The following KCNB2 variants were observed in gnomAD, a reference collection of about 807,000 sequenced individuals.
KCNB2 encodes delayed rectifier potassium channel protein.
A neutral mutation model predicts 61.5 loss-of-function variants in KCNB2; 15 were observed. The ratio of observed to expected loss-of-function variants is 0.24; its 90% CI spans 0.16 to 0.38. KCNB2 has a LOEUF of 0.38. KCNB2 is among the 10% of genes least tolerant of loss of function. The probability of loss-of-function intolerance (pLI) is 1.00; values close to 1 mark genes in which losing one functional copy is unlikely to be tolerated. For synonymous variants in KCNB2, 457 were observed against 446.0 expected, an observed-to-expected ratio of 1.02 and a Z score of -0.31; for missense variants, 828 against 1,125.2, an observed-to-expected ratio of 0.74 and a Z score of 3.78.
chr8:72,552,297 A>G (rs1268585362), intron 1 of KCNB2, among the ~76,000 whole-genome samples: 1 of 152,224 alleles, frequency 6.6e-6, no homozygotes, highest in Non-Finnish European at 1.5e-5. Flanking sequence ...ATAACTTCAC[A>G]GGAAAGTTGT....
At chr8:72,848,175 A>G (rs542576125) in intron 2 of KCNB2, among the ~76,000 whole-genome samples, 8 of 152,144 alleles carry the variant, frequency 5.3e-5, no homozygotes, top group Non-Finnish European at 1.2e-4. Flanking sequence ...ACTGCTTTCT[A>G]TTTTCACTCT....
chr8:72,680,984 T>C (rs1585826197), intron 2 of KCNB2, among the ~76,000 whole-genome samples: 1 of 152,166 alleles, frequency 6.6e-6, no homozygotes, highest in African/African-American at 2.4e-5. Context: ...TCTACCCTCC[T>C]GTGATAGCCT....
chr8:72,668,481 A>G (rs892990495), intron 2 of KCNB2, among the ~76,000 whole-genome samples: 2 of 152,088 alleles, frequency 1.3e-5, no homozygotes, highest in Admixed American at 1.3e-4. Flanking sequence ...TGTCCTTTGG[A>G]ATATACAGAG....
At chr8:72,612,356 T>C (rs1805555286) in intron 2 of KCNB2, among the ~76,000 whole-genome samples, 1 of 152,198 alleles carries the variant, frequency 6.6e-6, no homozygotes, top group Non-Finnish European at 1.5e-5. Context: ...CTTTAGTAAA[T>C]GTAAACATAA....
intron 2 of KCNB2, among the ~76,000 whole-genome samples, chr8:72,711,260 A>T (rs1352803112): frequency 6.6e-6 from 1 of 152,214 alleles, no homozygotes; most frequent in Admixed American, 6.5e-5. Context: ...CAACACAACC[A>T]TGGGCAGGCC....
At chr8:72,604,326 A>T (rs1213147626) in intron 2 of KCNB2, among the ~76,000 whole-genome samples, 1 of 152,174 alleles carries the variant, frequency 6.6e-6, no homozygotes, top group Non-Finnish European at 1.5e-5. Context: ...TAAGGTAGAG[A>T]TCATGTCCTA....
intron 2 of KCNB2, among the ~76,000 whole-genome samples, chr8:72,725,523 A>ATGTGTGTG: frequency 2.0e-5 from 1 of 50,684 alleles, no homozygotes; most frequent in African/African-American, 1.2e-4. Context: ...ATATATATAT[A>ATGTGTGTG]TATATATATA....
rs569202810 is a variant in KCNB2, at chr8:72,581,614, A to G, written c.579+13301A>G. On this transcript the variant is annotated intron_variant, in intron 2 of 2. Transcript: ENST00000523207. Reference sequence around the variant, plus strand: ...TGATTCTAGCGATTAGACCTGAGTAATGCTGGGTTTGTTTTCAACAGTTTA... The same window carrying G: ...TGATTCTAGCGATTAGACCTGAGTAGTGCTGGGTTTGTTTTCAACAGTTTA... 2.0e-5 allele frequency among the ~76,000 whole-genome samples: 3 copies of G among 152,330 alleles called. No homozygotes were observed. The East Asian group carries it at 5.8e-4, about 29-fold the overall frequency.
intron 2 of KCNB2, among the ~76,000 whole-genome samples, chr8:72,830,741 C>A (rs1194395869): frequency 3.9e-5 from 6 of 152,324 alleles, no homozygotes; most frequent in African/African-American, 1.4e-4. Context: ...AACTAGTAAT[C>A]AACACCTGGT....
At chr8:72,667,775 T>A (rs968069975) in intron 2 of KCNB2, among the ~76,000 whole-genome samples, 2 of 152,194 alleles carry the variant, frequency 1.3e-5, no homozygotes, top group Non-Finnish European at 2.9e-5. Flanking sequence ...GAAATTATGG[T>A]GATCTTTGGA....
intron 2 of KCNB2, among the ~76,000 whole-genome samples, chr8:72,586,634 C>G (rs937330434): frequency 2.0e-5 from 3 of 152,118 alleles, no homozygotes; most frequent in South Asian, 4.1e-4. Context: ...ACAATAATCC[C>G]CTGAGTTGGG....
At chr8:72,835,991 C>A (rs902939059) in intron 2 of KCNB2, among the ~76,000 whole-genome samples, 1 of 152,168 alleles carries the variant, frequency 6.6e-6, no homozygotes, top group Non-Finnish European at 1.5e-5. Context: ...TTTAACATTT[C>A]GTCCTTTACT....
At chr8:72,583,332 C>T (rs984359192) in intron 2 of KCNB2, among the ~76,000 whole-genome samples, 1 of 152,096 alleles carries the variant, frequency 6.6e-6, no homozygotes, top group Admixed American at 6.5e-5. Context: ...GCCTTATATA[C>T]ATCTTCTAAG....
chr8:72,902,705 T>C (rs1365875745), intron 2 of KCNB2, among the ~76,000 whole-genome samples: 1 of 152,178 alleles, frequency 6.6e-6, no homozygotes, highest in Non-Finnish European at 1.5e-5. Flanking sequence ...GAGGGACTTA[T>C]TCAGCTTTTA....
chr8:72,686,403 A>G (rs950823778), intron 2 of KCNB2, among the ~76,000 whole-genome samples: 1 of 152,094 alleles, frequency 6.6e-6, no homozygotes, highest in Admixed American at 6.6e-5. Flanking sequence ...GCTGGAGTGC[A>G]GTGGCACAAT....
intron 2 of KCNB2, among the ~76,000 whole-genome samples, chr8:72,791,370 C>T (rs1808939787): frequency 1.3e-5 from 2 of 152,090 alleles, no homozygotes; most frequent in South Asian, 2.1e-4. Context: ...AGCAATATAG[C>T]AAGACCCTAT....
chr8:72,644,022 C>A lies in KCNB2; in HGVS notation c.579+75709C>A, dbSNP rs892155198. ...CTTTGCAACATCTGGGAAAAGAATG[C>A]CCCTTCATTAATTGAATTGAATATT... is the stretch of plus-strand genomic sequence containing the variant. On this transcript the variant is annotated intron_variant, in intron 2 of 2. Coordinates refer to ENST00000523207, the MANE Select transcript of KCNB2 (RefSeq NM_004770.3). 2.6e-5 allele frequency among the ~76,000 whole-genome samples: 4 copies of A among 152,050 alleles called. No homozygotes were observed. The South Asian group carries it at 8.3e-4, about 32-fold the overall frequency.
At chr8:72,582,700 A>C (rs1458833096) in intron 2 of KCNB2, among the ~76,000 whole-genome samples, 1 of 151,980 alleles carries the variant, frequency 6.6e-6, no homozygotes, top group Non-Finnish European at 1.5e-5. Context: ...GTAACCTCAA[A>C]CTCCTGGGCT....
intron 2 of KCNB2, among the ~76,000 whole-genome samples, chr8:72,820,036 A>G (rs888736249): frequency 6.6e-6 from 1 of 152,052 alleles, no homozygotes; most frequent in African/African-American, 2.4e-5. Flanking sequence ...CCCATCTTGT[A>G]GGCCCCCTGA....
Sources: gnomAD v4.1 joint callset for allele counts (sites outside exome capture counted in the v4.1 genomes callset) on GRCh38, gnomAD v4.1.1 for gene constraint, MANE v1.5 for transcripts, NCBI Gene and HGNC (gene_info 2026-07-23, HGNC 2026-07-21) for gene names.